Variants in ARHGAP11B observed in about 807,000 individuals in gnomAD.
The protein encoded by ARHGAP11B is Rho GTPase activating protein 11B, also known as inactive Rho GTPase-activating protein 11B.
Under a neutral mutation model 27.6 loss-of-function variants are expected in ARHGAP11B, and 14 were observed. That is an observed-to-expected ratio of 0.51 (90% CI 0.34 to 0.79). The LOEUF (loss-of-function observed/expected upper bound fraction) is 0.79. ARHGAP11B is among the 30% of genes least tolerant of loss of function. The pLI is 0.02. For missense variants in ARHGAP11B, 245 were observed against 320.1 expected (o/e 0.77, Z 1.79); for synonymous variants, 82 against 114.1 (o/e 0.72, Z 1.80).
At chr15:30,637,675 C>T (rs370550879) in intron 6 of ARHGAP11B, among the ~76,000 whole-genome samples, 6 of 149,984 alleles carry the variant, frequency 4.0e-5, no homozygotes, top group South Asian at 4.2e-4. Flanking sequence ...CGGAGGTTGT[C>T]GTTGGCTGAG....
At chr15:30,638,802 C>T (rs533320715) in exon 7 of ARHGAP11B, 23 of 1,452,036 alleles carry the variant, frequency 1.6e-5, no homozygotes, top group African/African-American at 4.4e-5. Context: ...TTCTATTACA[C>T]CTCAACAAGA....
intron 7 of ARHGAP11B, among the ~76,000 whole-genome samples, chr15:30,644,006 A>G (rs923936230): frequency 2.6e-5 from 4 of 151,894 alleles, no homozygotes; most frequent in African/African-American, 7.3e-5. Context: ...GTCTTCTCTG[A>G]TATAACCATA....
chr15:30,633,872 T>G (rs1340185304), intron 3 of ARHGAP11B, among the ~76,000 whole-genome samples: 2 of 151,656 alleles, frequency 1.3e-5, no homozygotes, highest in African/African-American at 2.4e-5. Context: ...CTAGAAGGAG[T>G]GATATAGCTG....
At chr15:30,627,407 T>G (rs2060216755) in intron 1 of ARHGAP11B, among the ~76,000 whole-genome samples, 2 of 151,920 alleles carry the variant, frequency 1.3e-5, no homozygotes, top group South Asian at 4.1e-4. Flanking sequence ...TGTTTTAGAG[T>G]AAGGTTGTAG....
chr15:30,636,912 C>T (rs983174596), intron 6 of ARHGAP11B, among the ~76,000 whole-genome samples: 7 of 151,916 alleles, frequency 4.6e-5, no homozygotes, highest in Non-Finnish European at 1.0e-4. Flanking sequence ...CATTTTAACT[C>T]GAGTACATCT....
intron 8 of ARHGAP11B, among the ~76,000 whole-genome samples, chr15:30,645,147 T>G (rs1450444204): frequency 6.6e-6 from 1 of 151,978 alleles, no homozygotes; most frequent in Non-Finnish European, 1.5e-5. Context: ...GTGGAGATAC[T>G]TAAGGGATAA....
intron 6 of ARHGAP11B, among the ~76,000 whole-genome samples, chr15:30,638,390 CTT>C (rs894643497): frequency 1.3e-5 from 2 of 151,604 alleles, no homozygotes; most frequent in African/African-American, 4.8e-5. Context: ...CTTTTAAATA[CTT>C]TTATTCGTGC....
chr15:30,635,297 T>C, intron 5 of ARHGAP11B, 109 bp downstream of exon 5: 4 of 1,516,784 alleles, frequency 2.6e-6, no homozygotes, highest in Non-Finnish European at 3.6e-6. Flanking sequence ...AAAATCTCTG[T>C]TTCTTTCAAA....
intron 1 of ARHGAP11B, among the ~76,000 whole-genome samples, chr15:30,629,552 CA>C (rs1361983682): frequency 6.6e-6 from 1 of 151,614 alleles, no homozygotes; most frequent in African/African-American, 2.4e-5. Context: ...GACTCCGTCT[CA>C]AAAAAAATAC....
At chr15:30,627,085 C>A in intron 1 of ARHGAP11B, 136 bp downstream of exon 1, 2 of 1,295,746 alleles carry the variant, frequency 1.5e-6, no homozygotes, top group South Asian at 2.2e-5. Flanking sequence ...TTCAGATGAT[C>A]GATTGCTGAT....
At chr15:30,638,297 G>T (rs8027951) in intron 6 of ARHGAP11B, among the ~76,000 whole-genome samples, 83,748 of 151,652 alleles carry the variant, frequency 0.55, 24,714 homozygotes, top group African/African-American at 0.71. Context: ...TTAGTCAAAC[G>T]GTGTTATTTA....
intron 7 of ARHGAP11B, among the ~76,000 whole-genome samples, chr15:30,641,845 T>C (rs2060317665): frequency 6.6e-6 from 1 of 151,556 alleles, no homozygotes; most frequent in African/African-American, 2.4e-5. Context: ...GCCTCCTGAG[T>C]AGTTGGGATT....
chr15:30,633,303 A>G (rs2060257149), intron 2 of ARHGAP11B, among the ~76,000 whole-genome samples, 187 bp from the exon 3 acceptor site: 1 of 152,068 alleles, frequency 6.6e-6, no homozygotes, highest in East Asian at 1.9e-4. Flanking sequence ...AAGTAAAAAG[A>G]TGGGCCTTGG....
At chr15:30,641,943 T>A (rs1595678372) in intron 7 of ARHGAP11B, among the ~76,000 whole-genome samples, 1 of 151,950 alleles carries the variant, frequency 6.6e-6, no homozygotes, top group African/African-American at 2.4e-5. Flanking sequence ...TTTGAACTCC[T>A]GGCCTCAAGC....
At chr15:30,630,115 C>T (rs976969604) in intron 1 of ARHGAP11B, among the ~76,000 whole-genome samples, 18 of 152,146 alleles carry the variant, frequency 1.2e-4, no homozygotes, top group Admixed American at 2.6e-4. Flanking sequence ...TAAATATTTG[C>T]ACACTCCTGC....
chr15:30,637,299 A>G (rs1042466758), intron 6 of ARHGAP11B, among the ~76,000 whole-genome samples: 4 of 151,726 alleles, frequency 2.6e-5, no homozygotes, highest in African/African-American at 4.8e-5. Context: ...TGTGAATTCC[A>G]TTTTCTTCTA....
intron 9 of ARHGAP11B, chr15:30,647,536 A>G (rs2060358008): frequency 6.1e-6 from 1 of 164,722 alleles, no homozygotes; most frequent in Middle Eastern, 3.4e-3. Flanking sequence ...TTTAGTAAAT[A>G]TCATTTTTGG....
At chr15:30,630,604 T>C in intron 1 of ARHGAP11B, 99 bp from the exon 2 acceptor site, 1 of 1,567,302 alleles carries the variant, frequency 6.4e-7, no homozygotes, top group Non-Finnish European at 8.7e-7. Context: ...TTATTTCTGA[T>C]TTTTTTTAAT....
Position 30,646,840 on chromosome 15 carries a change from A to G in ARHGAP11B, c.*324+545A>G, listed in dbSNP as rs2060352220. 2.0e-5 allele frequency among the ~76,000 whole-genome samples: 3 copies of G among 151,010 alleles called. 1 individual carries two copies. Among genetic ancestry groups the G allele is most frequent in the Non-Finnish European group, 4.4e-5 (3 of 67,790 alleles). ...CAAAATTAGCCGGGCGTGGTGGTGC[A>G]CTCGTGTAATCCTAGCTACTGGCGA... On this transcript the variant is annotated intron_variant, in intron 9 of 10. Coordinates refer to ENST00000428041, the Ensembl canonical transcript of ARHGAP11B.
Sources: gnomAD v4.1 joint callset for allele counts (sites outside exome capture counted in the v4.1 genomes callset) on GRCh38, gnomAD v4.1.1 for gene constraint, MANE v1.5 for transcripts, NCBI Gene and HGNC (gene_info 2026-07-23, HGNC 2026-07-21) for gene names.